Variants in DCLK1 observed in about 807,000 individuals in gnomAD.
The protein encoded by DCLK1 is serine/threonine-protein kinase DCLK1.
DCLK1 carries 16 observed loss-of-function variants against 86.2 expected under a neutral mutation model. That is an observed-to-expected ratio of 0.19 (90% CI 0.13 to 0.28). The LOEUF is 0.28. Ranked by LOEUF, DCLK1 falls within the 10% of genes least tolerant of loss-of-function variation. The pLI, the probability that DCLK1 is intolerant of heterozygous loss-of-function variation, is 1.00. For synonymous variants in DCLK1, 369 were observed against 370.5 expected (o/e 1.00, Z 0.05); for missense variants, 590 against 940.2 (o/e 0.63, Z 4.87).
At chr13:35,882,475 A>G (rs1872974045) in intron 4 of DCLK1, among the ~76,000 whole-genome samples, 1 of 152,174 alleles carries the variant, frequency 6.6e-6, no homozygotes, top group African/African-American at 2.4e-5. Flanking sequence ...GCCTCTCTTG[A>G]GCATTTTTAT....
intron 11 of DCLK1, among the ~76,000 whole-genome samples, chr13:35,814,675 G>C (rs1195802130): frequency 6.6e-6 from 1 of 152,156 alleles, no homozygotes; most frequent in Non-Finnish European, 1.5e-5. Context: ...GTTCATCCCT[G>C]GTCCTTTAAG....
intron 3 of DCLK1, among the ~76,000 whole-genome samples, chr13:36,025,444 A>G (rs975591338): frequency 2.6e-5 from 4 of 152,248 alleles, no homozygotes; most frequent in East Asian, 1.9e-4. Flanking sequence ...CATGGTTAGC[A>G]TAATTCCTAA....
At chr13:35,791,754 A>C (rs2086711329) in intron 16 of DCLK1, among the ~76,000 whole-genome samples, 1 of 152,228 alleles carries the variant, frequency 6.6e-6, no homozygotes, top group Non-Finnish European at 1.5e-5. Flanking sequence ...CAGGAAAAAA[A>C]AAGAAAACAA....
In DCLK1 at chr13:35,831,931, T is replaced by C. The variant is rs1490228303; in HGVS notation, c.1230-3624A>G. Among the ~76,000 whole-genome samples the C allele has an allele frequency of 7.9e-5, 12 of 152,166 alleles. No homozygotes were observed. In the East Asian group the frequency reaches 2.3e-3, roughly 29 times the overall value. ...ACAGCTGTCTTGTTCAACTGAGTGA[T>C]TCCCAACTCAGGCCAGTCTTCTGCC... On this transcript the variant is annotated intron_variant, in intron 8 of 16. Transcript: ENST00000360631.
At chr13:36,031,676 G>A (rs929744515) in intron 3 of DCLK1, among the ~76,000 whole-genome samples, 2 of 152,216 alleles carry the variant, frequency 1.3e-5, no homozygotes, top group African/African-American at 2.4e-5. Flanking sequence ...TTACAGTGAC[G>A]TATTTGATGA....
intron 4 of DCLK1, among the ~76,000 whole-genome samples, chr13:35,933,805 AT>A (rs1002667193): frequency 8.5e-5 from 13 of 152,094 alleles, no homozygotes; most frequent in African/African-American, 3.1e-4. Flanking sequence ...CCCTGGAGAC[AT>A]TTTCCCCATT....
In DCLK1 at chr13:35,956,185, C is replaced by A. The variant is rs1344938235; in HGVS notation, c.724-8728G>T. On this transcript the variant is annotated intron_variant, in intron 3 of 16. Transcript: ENST00000360631. The stretch of plus-strand genomic sequence containing the variant: ...GGAGAGGATACAAATAAACTCTGGT[C>A]TGAACCCAGAAGCTAACCTAAATCA... Among the ~76,000 whole-genome samples the A allele has an allele frequency of 2.6e-5, 4 of 152,148 alleles. No homozygotes were observed. In the East Asian group the frequency reaches 7.7e-4, roughly 29 times the overall value.
intron 3 of DCLK1, among the ~76,000 whole-genome samples, chr13:36,055,483 C>A (rs1883268472): frequency 6.6e-6 from 1 of 152,170 alleles, no homozygotes; most frequent in Admixed American, 6.5e-5. Context: ...TTCTCTCTTA[C>A]TAAATTTTCC....
chr13:35,912,527 G>A (rs749732760), intron 4 of DCLK1, among the ~76,000 whole-genome samples: 4 of 152,088 alleles, frequency 2.6e-5, no homozygotes, highest in Non-Finnish European at 4.4e-5. Context: ...GAGGACAGAC[G>A]GCTTAACTTC....
chr13:35,918,892 G>GGTTTTTTTTTTTTTTTT lies in DCLK1; in HGVS notation c.823+28465_823+28466insAAAAAAAAAAAAAAAAC, dbSNP rs1875600883. 1.6e-4 allele frequency among the ~76,000 whole-genome samples: 12 copies of GGTTTTTTTTTTTTTTTT among 76,310 alleles called. 1 individual carries two copies. The East Asian group carries it at 2.6e-3, about 17-fold the overall frequency. The allele number at this position is 76,310 out of a possible 152,430, so 50.1% of individuals were successfully genotyped here. A position where few individuals can be genotyped will look rare whatever the true frequency, so the allele number is the denominator to read the frequency against. ...AAAAAGAAATCTTCCTTCTGAGTGT[G>GGTTTTTTTTTTTTTTTT]TTTTTTTTTTTTTTTTTGGAAACGG... is the stretch of plus-strand genomic sequence containing the variant. On this transcript the variant is annotated intron_variant, in intron 4 of 16. Coordinates refer to ENST00000360631, the MANE Select transcript of DCLK1 (RefSeq NM_001330071.2).
At chr13:35,834,387 T>C (rs9545532) in intron 8 of DCLK1, among the ~76,000 whole-genome samples, 47,024 of 151,966 alleles carry the variant, frequency 0.31, 7,544 homozygotes, top group East Asian at 0.44. Context: ...AGGCTCCTTA[T>C]TAGTGGAGTA....
At chr13:36,089,929 C>A (rs915968626) in intron 3 of DCLK1, among the ~76,000 whole-genome samples, 1 of 152,180 alleles carries the variant, frequency 6.6e-6, no homozygotes. Flanking sequence ...AGAGGATTAA[C>A]AAATCTTAGT....
At chr13:36,069,233 T>G (rs980219037) in intron 3 of DCLK1, among the ~76,000 whole-genome samples, 4 of 149,058 alleles carry the variant, frequency 2.7e-5, no homozygotes, top group Non-Finnish European at 5.9e-5. Context: ...CTGAACTCTA[T>G]TAAACTAGAG....
intron 15 of DCLK1, among the ~76,000 whole-genome samples, chr13:35,799,564 T>A (rs994297746): frequency 1.3e-5 from 2 of 152,184 alleles, no homozygotes; most frequent in South Asian, 2.1e-4. Flanking sequence ...AGTTTTTTTT[T>A]AATCTATTAA....
intron 4 of DCLK1, among the ~76,000 whole-genome samples, chr13:35,922,705 T>C (rs1875869250): frequency 6.6e-6 from 1 of 152,206 alleles, no homozygotes; most frequent in Admixed American, 6.5e-5. Flanking sequence ...TTGTTATGTA[T>C]TGGGCATAAA....
intron 3 of DCLK1, among the ~76,000 whole-genome samples, chr13:36,055,594 C>T (rs1290000193): frequency 1.3e-5 from 2 of 152,182 alleles, no homozygotes; most frequent in African/African-American, 4.8e-5. Context: ...CACCACTGTA[C>T]TGCTGTTCAA....
At chr13:35,809,707 C>T (rs1443914704) in intron 12 of DCLK1, among the ~76,000 whole-genome samples, 2 of 152,098 alleles carry the variant, frequency 1.3e-5, no homozygotes, top group African/African-American at 2.4e-5. Context: ...TGTGTCTGTG[C>T]CCCAGGCAGC....
chr13:35,970,649 C>T (rs1022948), intron 3 of DCLK1, among the ~76,000 whole-genome samples: 46,666 of 151,958 alleles, frequency 0.31, 8,066 homozygotes, highest in East Asian at 0.57. Flanking sequence ...AGGTGCCATC[C>T]TGGGAGTGGA....
intron 4 of DCLK1, among the ~76,000 whole-genome samples, chr13:35,936,696 T>C (rs1255157811): frequency 6.6e-6 from 1 of 152,212 alleles, no homozygotes; most frequent in African/African-American, 2.4e-5. Flanking sequence ...TGAAGGAGGC[T>C]TGGCTGTACT....
Sources: gnomAD v4.1 joint callset for allele counts (sites outside exome capture counted in the v4.1 genomes callset) on GRCh38, gnomAD v4.1.1 for gene constraint, MANE v1.5 for transcripts, NCBI Gene and HGNC (gene_info 2026-07-23, HGNC 2026-07-21) for gene names.